The following CRKL variants were observed in gnomAD, a reference collection of about 807,000 sequenced individuals.
CRKL encodes crk-like protein.
Under a neutral mutation model 23.0 loss-of-function variants are expected in CRKL, and 3 were observed. That is an observed-to-expected ratio of 0.13 (90% confidence interval 0.06 to 0.34). The LOEUF (loss-of-function observed/expected upper bound fraction) is 0.34. Ranked by LOEUF, CRKL falls within the 10% of genes least tolerant of loss-of-function variation. The pLI, the probability that CRKL is intolerant of heterozygous loss-of-function variation, is 1.00. For missense variants in CRKL, 256 were observed against 394.5 expected (o/e 0.65, Z 2.97); for synonymous variants, 188 against 160.7 (o/e 1.17, Z -1.28).
chr22:20,952,430 C>T lies in CRKL; in HGVS notation c.*2585C>T, dbSNP rs901659858. On this transcript the variant is annotated 3_prime_UTR_variant, in exon 3 of 3. Coordinates refer to ENST00000354336, the MANE Select transcript of CRKL (RefSeq NM_005207.4). ...AGGAGATTCAGAGCTCAAAACAAGG[C>T]GAGCTTGAGTTCTGCACTCCAGATA... is the stretch of plus-strand genomic sequence containing the variant. The T allele has an allele frequency of 4.3e-5, 10 of 230,252 alleles. No homozygotes were observed. Among genetic ancestry groups the T allele is most frequent in the African/African-American group, 2.0e-4 (9 of 45,148 alleles). 14.3% of individuals were successfully genotyped at this position (230,252 alleles called of 1,614,324 possible). A position where few individuals can be genotyped will look rare whatever the true frequency, so the allele number is the denominator to read the frequency against.
Position 20,934,144 on chromosome 22 carries a change from C to T in CRKL, c.677C>T (p.Ala226Val), listed in dbSNP as rs756451346. Residue 226 changes from alanine to valine, a missense_variant, in exon 2 of 3, where the codon GCA (alanine) becomes GTA (valine). Around this residue, in one of 3 missense-constraint regions of CRKL, gnomAD observed 129 missense variants for 222.1 expected, o/e 0.58. Coordinates refer to ENST00000354336, the MANE Select transcript of CRKL (RefSeq NM_005207.4). The stretch of plus-strand genomic sequence containing the variant: ...GCAGTTTCCGGTTCTCCTGGGGCAG[C>T]AATCACCCCTTTGCCATCCACACAG... Reference protein sequence around the residue: ...LPAVSGSPGAAITPLPSTQNG... With the variant: ...LPAVSGSPGAVITPLPSTQNG... 18 of 1,614,110 alleles carry T rather than the reference C, an allele frequency of 1.1e-5. No individual in the cohort carries two copies. In the Admixed American group the frequency reaches 2.5e-4, roughly 22 times the overall value.
At chr22:20,946,556 C>T (rs2023715) in intron 2 of CRKL, among the ~76,000 whole-genome samples, 10,505 of 152,166 alleles carry the variant, frequency 0.069, 354 homozygotes, top group East Asian at 0.08. Flanking sequence ...TCCTCTTAAT[C>T]TGTTGATAAG....
chr22:20,934,055 C>G lies in CRKL; in HGVS notation c.588C>G (p.Asn196Lys), dbSNP rs780282215. 2 of 1,614,066 alleles carry G rather than the reference C, an allele frequency of 1.2e-6. No homozygotes were observed. The highest frequency in any genetic ancestry group is 1.1e-5 in the South Asian group (1 of 91,088). Residue 196 changes from asparagine to lysine, a missense_variant, in exon 2 of 3, where the codon AAC (asparagine) becomes AAG (lysine). By Grantham distance (94) the Asn-to-Lys change is moderately conservative. Coordinates refer to ENST00000354336, the MANE Select transcript of CRKL (RefSeq NM_005207.4). ...GAAAGCATGGAAATAGGAATTCCAA[C>G]AGTTATGGGATCCCAGAACCTGCTC... ...PHGKHGNRNS[N>K]SYGIPEPAHA...
intron 2 of CRKL, among the ~76,000 whole-genome samples, chr22:20,934,675 GATA>G (rs1413426036): frequency 2.0e-5 from 3 of 152,058 alleles, no homozygotes; most frequent in African/African-American, 4.8e-5. Flanking sequence ...AGTAAGGAAA[GATA>G]ATGATTAAGG....
intron 2 of CRKL, among the ~76,000 whole-genome samples, chr22:20,940,755 T>C (rs141939062): frequency 6.6e-6 from 1 of 152,248 alleles, no homozygotes; most frequent in Non-Finnish European, 1.5e-5. Context: ...TTGGATTACA[T>C]CTGGTCTCTG....
At chr22:20,940,541 C>A (rs2066721678) in intron 2 of CRKL, among the ~76,000 whole-genome samples, 2 of 149,060 alleles carry the variant, frequency 1.3e-5, no homozygotes, top group South Asian at 4.3e-4. Context: ...CTCTTAAGAA[C>A]ACCCTTTCCT....
chr22:20,943,761 G>A (rs1052669018), intron 2 of CRKL, among the ~76,000 whole-genome samples: 1 of 152,168 alleles, frequency 6.6e-6, no homozygotes, highest in African/African-American at 2.4e-5. Context: ...TGGAGACTGA[G>A]GTGAGAAGAT....
intron 1 of CRKL, among the ~76,000 whole-genome samples, chr22:20,928,956 G>A (rs1259367694): frequency 6.6e-6 from 1 of 151,742 alleles, no homozygotes; most frequent in Non-Finnish European, 1.5e-5. Flanking sequence ...AAGATGTTTT[G>A]TGTATGGTTT....
At chr22:20,939,862 C>T (rs1921804416) in intron 2 of CRKL, among the ~76,000 whole-genome samples, 1 of 149,636 alleles carries the variant, frequency 6.7e-6, no homozygotes, top group Admixed American at 6.7e-5. Flanking sequence ...GATCTCGGCT[C>T]ACTGCACCCT....
chr22:20,943,221 C>T (rs1327059454), intron 2 of CRKL, among the ~76,000 whole-genome samples: 7 of 151,938 alleles, frequency 4.6e-5, no homozygotes, highest in East Asian at 1.9e-4. Flanking sequence ...GTTATTTGAG[C>T]GTTTTTGTTT....
chr22:20,926,021 G>A (rs1356825217), intron 1 of CRKL, among the ~76,000 whole-genome samples: 1 of 152,176 alleles, frequency 6.6e-6, no homozygotes, highest in Non-Finnish European at 1.5e-5. Flanking sequence ...GCAATCAACT[G>A]TACCTAAGAG....
rs1929763027 is a variant in CRKL, at chr22:20,918,255, A to G, written c.311+10A>G. ...TCGAGCCTGCGCCCAGGTACGCGAG[A>G]GCCCTCCCCGACCGCGGAGGAAGGT... On this transcript the variant is annotated intron_variant, in intron 1 of 2. Transcript: ENST00000354336. 1 of 1,612,360 alleles carries G rather than the reference A, an allele frequency of 6.2e-7. No homozygotes were observed. The highest frequency in any genetic ancestry group is 8.5e-7 in the Non-Finnish European group (1 of 1,179,572).
intron 2 of CRKL, among the ~76,000 whole-genome samples, chr22:20,946,840 G>A (rs1466158236): frequency 2.0e-5 from 3 of 152,122 alleles, no homozygotes; most frequent in Non-Finnish European, 4.4e-5. Context: ...TGAGGGAAAC[G>A]GCAAGATGGC....
intron 1 of CRKL, among the ~76,000 whole-genome samples, chr22:20,933,491 A>G (rs896381200): frequency 3.3e-5 from 5 of 150,736 alleles, no homozygotes; most frequent in African/African-American, 7.3e-5. Context: ...ACATGGTGAA[A>G]CCCCTTCTCT....
chr22:20,921,709 T>C (rs1467871773), intron 1 of CRKL, among the ~76,000 whole-genome samples: 1 of 151,468 alleles, frequency 6.6e-6, no homozygotes, highest in Non-Finnish European at 1.5e-5. Context: ...TTTTCTTTCT[T>C]TCTTTTTTCT....
In CRKL at chr22:20,941,560, G is replaced by T. The variant is rs1264489478; in HGVS notation, c.777+7316G>T. On this transcript the variant is annotated intron_variant, in intron 2 of 2. Transcript: ENST00000354336. ...TTTATGTGTGTGTGTGTGTGTGTGT[G>T]TGTGTGTGTGTGTGTGTGTATATAT... Among the ~76,000 whole-genome samples the T allele has an allele frequency of 3.3e-4, 13 of 39,410 alleles. 2 individuals carry two copies. Among genetic ancestry groups the T allele is most frequent in the Admixed American group, 2.6e-3 (9 of 3,484 alleles). 25.9% of individuals were successfully genotyped at this position (39,410 alleles called of 152,430 possible). A position where few individuals can be genotyped will look rare whatever the true frequency, so the allele number is the denominator to read the frequency against.
At chr22:20,919,688 T>G (rs1920970018) in intron 1 of CRKL, among the ~76,000 whole-genome samples, 1 of 152,194 alleles carries the variant, frequency 6.6e-6, no homozygotes. Context: ...TTCTTAAACA[T>G]CTATTTTAAA....
chr22:20,946,446 G>T (rs1601686177), intron 2 of CRKL, among the ~76,000 whole-genome samples: 1 of 152,124 alleles, frequency 6.6e-6, no homozygotes, highest in Non-Finnish European at 1.5e-5. Flanking sequence ...GCTAAGTGCG[G>T]CCAGCCACAA....
In CRKL at chr22:20,917,843, C is replaced by T. The variant is rs1601669638; in HGVS notation, c.-92C>T. The T allele has an allele frequency of 6.1e-6, 8 of 1,308,020 alleles. No individual in the cohort carries two copies. The highest frequency in any genetic ancestry group is 5.1e-5 in the Admixed American group (2 of 39,338). 81.0% of individuals were successfully genotyped at this position (1,308,020 alleles called of 1,614,324 possible). A position where few individuals can be genotyped will look rare whatever the true frequency, so the allele number is the denominator to read the frequency against. On this transcript the variant is annotated 5_prime_UTR_variant, in exon 1 of 3. Coordinates refer to ENST00000354336, the MANE Select transcript of CRKL (RefSeq NM_005207.4). ...CCTCGAGGTGTGCGAGAGGCCCTTC[C>T]TCGGCCCCAAAGCCGTCTGCCGGGC... is the stretch of plus-strand genomic sequence containing the variant.
Sources: allele counts gnomAD v4.1 joint callset (sites outside exome capture counted in the v4.1 genomes callset), GRCh38; gene constraint gnomAD v4.1.1; regional missense constraint gnomAD v4.1.1; transcripts MANE v1.5; gene names NCBI Gene and HGNC (gene_info 2026-07-23, HGNC 2026-07-21).